The following XKR9 variants were observed in gnomAD, a reference collection of about 807,000 sequenced individuals.
XKR9 encodes the protein XK-related protein 9.
XKR9 carries 32 observed loss-of-function variants against 32.0 expected under a neutral mutation model. The ratio of observed to expected loss-of-function variants is 1.00; its 90% CI spans 0.76 to 1.34. XKR9 has a LOEUF of 1.34. Ranked by LOEUF, XKR9 falls within the 40% of genes most tolerant of loss-of-function variation. The pLI is 0.00. For missense variants in XKR9, 546 were observed against 429.7 expected (o/e 1.27, Z -2.39); for synonymous variants, 168 against 143.4 (o/e 1.17, Z -1.22).
the XKR9 span, among the ~76,000 whole-genome samples, chr8:70,972,723 T>C: frequency 1.3e-5 from 2 of 152,150 alleles, no homozygotes; most frequent in African/African-American, 4.8e-5. Context: ...GAGATGATCA[T>C]GTGATTTTTG....
At chr8:71,037,035 A>T in the XKR9 span, among the ~76,000 whole-genome samples, 1 of 152,066 alleles carries the variant, frequency 6.6e-6, no homozygotes, top group Admixed American at 6.5e-5. Flanking sequence ...TTTATACACT[A>T]GTTGTGTTAC....
At chr8:70,767,075 C>T (rs1193360813) in intron 2 of XKR9, among the ~76,000 whole-genome samples, 1 of 152,074 alleles carries the variant, frequency 6.6e-6, no homozygotes, top group Non-Finnish European at 1.5e-5. Flanking sequence ...TTTGTTGTGT[C>T]TTTGCCAGGT....
At chr8:70,859,493 G>A in the XKR9 span, among the ~76,000 whole-genome samples, 2 of 152,150 alleles carry the variant, frequency 1.3e-5, no homozygotes, top group South Asian at 2.1e-4. Context: ...CCCACTACTA[G>A]GCATTTATTT....
At chr8:70,953,665 G>T in the XKR9 span, among the ~76,000 whole-genome samples, 1 of 152,152 alleles carries the variant, frequency 6.6e-6, no homozygotes, top group Non-Finnish European at 1.5e-5. Flanking sequence ...GGAGACATAA[G>T]TAATAACTCT....
the XKR9 span, among the ~76,000 whole-genome samples, chr8:70,903,583 A>T: frequency 1.3e-5 from 2 of 152,180 alleles, no homozygotes; most frequent in South Asian, 4.2e-4. Context: ...CTTTTCAAAA[A>T]ACCAGCTCCT....
chr8:70,986,044 A>G, the XKR9 span, among the ~76,000 whole-genome samples: 1 of 152,348 alleles, frequency 6.6e-6, no homozygotes, highest in East Asian at 1.9e-4. Context: ...AATTCATTAC[A>G]GACCAAATAA....
intron 1 of XKR9, among the ~76,000 whole-genome samples, chr8:70,670,898 A>G (rs993699357): frequency 1.3e-5 from 2 of 152,198 alleles, no homozygotes; most frequent in Admixed American, 6.6e-5. Flanking sequence ...GAGGCTTTGC[A>G]CATCTTCCCT....
chr8:71,031,452 C>T, the XKR9 span, among the ~76,000 whole-genome samples: 2 of 152,112 alleles, frequency 1.3e-5, no homozygotes, highest in Non-Finnish European at 1.5e-5. Context: ...TCATCCTAGC[C>T]ATGGAACTTT....
chr8:71,029,439 T>A, the XKR9 span, among the ~76,000 whole-genome samples: 1 of 152,180 alleles, frequency 6.6e-6, no homozygotes, highest in East Asian at 1.9e-4. Context: ...AATTTCTTAA[T>A]CTAATACTGT....
intron 4 of XKR9, among the ~76,000 whole-genome samples, chr8:70,728,042 C>G (rs1183286505): frequency 6.6e-6 from 1 of 152,050 alleles, no homozygotes; most frequent in Non-Finnish European, 1.5e-5. Flanking sequence ...AATCTCCAGG[C>G]AAGAAAGAGG....
intron 4 of XKR9, among the ~76,000 whole-genome samples, chr8:70,725,920 A>G (rs1281647904): frequency 6.6e-6 from 1 of 152,160 alleles, no homozygotes; most frequent in Non-Finnish European, 1.5e-5. Context: ...ACAACAAAAC[A>G]ACAACAAAAA....
the XKR9 span, among the ~76,000 whole-genome samples, chr8:70,831,188 G>A: frequency 2.0e-5 from 3 of 151,670 alleles, no homozygotes; most frequent in Non-Finnish European, 4.4e-5. Flanking sequence ...CTACTCAGGA[G>A]GCTGAGGCAG....
intron 2 of XKR9, among the ~76,000 whole-genome samples, chr8:70,746,597 C>T (rs1807062766): frequency 1.3e-5 from 2 of 151,612 alleles, no homozygotes; most frequent in Admixed American, 6.6e-5. Flanking sequence ...ATGTAGTTTG[C>T]AGGACTGTTA....
the XKR9 span, among the ~76,000 whole-genome samples, chr8:70,917,588 A>G: frequency 6.6e-6 from 1 of 152,170 alleles, no homozygotes; most frequent in African/African-American, 2.4e-5. Context: ...TAAGTGGAGG[A>G]ACATCTATAG....
the XKR9 span, among the ~76,000 whole-genome samples, chr8:71,015,283 A>G: frequency 6.6e-6 from 1 of 152,154 alleles, no homozygotes; most frequent in African/African-American, 2.4e-5. Flanking sequence ...TTGTTACCTA[A>G]CATGCCTGGT....
Position 70,680,867 on chromosome 8 carries a change from A to C in XKR9, c.-192A>C. ...TGGACCTAGATTAGAGATTTAGAAA[A>C]GAAAGTCAAAATTAGTCACTTTAGT... On this transcript the variant is annotated 5_prime_UTR_variant, in exon 3 of 5. Transcript: ENST00000408926. The C allele has an allele frequency of 2.1e-6, 1 of 471,558 alleles. No individual in the cohort carries two copies. The highest frequency in any genetic ancestry group is 3.7e-6 in the Non-Finnish European group (1 of 271,746). 29.2% of individuals were successfully genotyped at this position (471,558 alleles called of 1,614,324 possible).
At chr8:70,982,609 A>G in the XKR9 span, among the ~76,000 whole-genome samples, 1 of 152,212 alleles carries the variant, frequency 6.6e-6, no homozygotes, top group Non-Finnish European at 1.5e-5. Context: ...GCCCCAGACC[A>G]TGAGCCTCCT....
intron 4 of XKR9, among the ~76,000 whole-genome samples, chr8:70,717,271 C>T (rs1806124306): frequency 6.6e-6 from 1 of 152,200 alleles, no homozygotes; most frequent in South Asian, 2.1e-4. Flanking sequence ...TAGGCAGTGC[C>T]TCAGTGGGGA....
intron 4 of XKR9, among the ~76,000 whole-genome samples, chr8:70,723,766 C>A (rs34317015): frequency 0.13 from 19,730 of 152,086 alleles, 1,683 homozygotes; most frequent in African/African-American, 0.24. Context: ...TGCTGGGATG[C>A]GCCTCCCAGT....
Sources: allele counts gnomAD v4.1 joint callset (sites outside exome capture counted in the v4.1 genomes callset), GRCh38; gene constraint gnomAD v4.1.1; transcripts MANE v1.5; gene names NCBI Gene and HGNC (gene_info 2026-07-23, HGNC 2026-07-21).